RELN: variants seen among roughly 807,000 people sequenced by gnomAD.
RELN encodes reelin.
Under a neutral mutation model 427.6 loss-of-function variants are expected in RELN, and 108 were observed. That is an observed-to-expected ratio of 0.25 (90% CI 0.22 to 0.30). The LOEUF (loss-of-function observed/expected upper bound fraction) is 0.30. Among genes scored for constraint, RELN ranks in the 10% least tolerant of loss-of-function variants. The probability of loss-of-function intolerance (pLI) is 1.00; values close to 1 mark genes in which losing one functional copy is unlikely to be tolerated. For synonymous variants in RELN, 1,524 were observed against 1,513.4 expected, an observed-to-expected ratio of 1.01 and a Z score of -0.16; for missense variants, 3,715 against 4,302.8, an observed-to-expected ratio of 0.86 and a Z score of 3.82.
chr7:103,498,058 T>C lies in RELN; in HGVS notation c.8843+19A>G. ...TTTGCTATGGTGCAATAGAAATAACTAACAAAAAATTCACTTACTTTGCAC... is the reference window on the plus strand; with the variant it reads ...TTTGCTATGGTGCAATAGAAATAACCAACAAAAAATTCACTTACTTTGCAC... On this transcript the variant is annotated intron_variant, in intron 54 of 64. Coordinates refer to ENST00000428762, the MANE Select transcript of RELN (RefSeq NM_005045.4). The C allele has an allele frequency of 6.2e-7, 1 of 1,613,186 alleles. No individual in the cohort carries two copies. Among genetic ancestry groups the C allele is most frequent in the Non-Finnish European group, 8.5e-7 (1 of 1,179,172 alleles).
rs1486135524 is a variant in RELN at position 103,589,649 on chromosome 7, G to A, written c.4092C>T (p.Asp1364=). ...LSEPTMYHTG[D]FEEWTRITIV... ...TGGTGATTCTTGTCCATTCTTCAAA[G>A]TCCCCTGTGTGATACATGGTGGGCT... The change falls in exon 28 of 65, where the codon GAC becomes GAT. Residue 1364 remains aspartate, a synonymous_variant. Transcript: ENST00000428762. The A allele has an allele frequency of 6.2e-7, 1 of 1,614,052 alleles. No homozygotes were observed. The highest frequency in any genetic ancestry group is 8.5e-7 in the Non-Finnish European group (1 of 1,179,960).
In RELN at chr7:103,561,600, A is replaced by C. The variant is rs1830642910; in HGVS notation, c.5461T>G (p.Tyr1821Asp). 2 of 1,613,752 alleles carry C rather than the reference A, an allele frequency of 1.2e-6. No individual in the cohort carries two copies. Among genetic ancestry groups the C allele is most frequent in the Non-Finnish European group, 1.7e-6 (2 of 1,179,846 alleles). The change falls in exon 36 of 65, where the codon TAT becomes GAT. Residue 1821 changes from tyrosine to aspartate, a missense_variant. Tyr to Asp is a radical substitution (Grantham distance 160, BLOSUM62 -3). Around this residue, in one of 4 missense-constraint regions of RELN, gnomAD observed 2,208 missense variants for 2,361.7 expected, o/e 0.93. Coordinates refer to ENST00000428762, the MANE Select transcript of RELN (RefSeq NM_005045.4). ...TTCAGATTCCCCCTCTCTGCACCAT[A>C]CACTTCAGGCCAAAGGTCAGGATGT... Reference protein sequence around the residue: ...NLHPDLWPEVYGAERGNLNGE... With the variant: ...NLHPDLWPEVDGAERGNLNGE...
intron 2 of RELN, among the ~76,000 whole-genome samples, chr7:103,860,587 G>A (rs1468201821): frequency 6.6e-6 from 1 of 152,140 alleles, no homozygotes; most frequent in East Asian, 1.9e-4. Context: ...AATAGCAGCA[G>A]CAGTATGGCA....
At chr7:103,847,244 G>A (rs1390349331) in intron 2 of RELN, among the ~76,000 whole-genome samples, 3 of 152,032 alleles carry the variant, frequency 2.0e-5, no homozygotes, top group African/African-American at 7.2e-5. Flanking sequence ...AGCCATAAAA[G>A]GATGAGTTCA....
At chr7:103,698,740 C>G in intron 9 of RELN, among the ~76,000 whole-genome samples, 1 of 152,064 alleles carries the variant, frequency 6.6e-6, no homozygotes, top group Non-Finnish European at 1.5e-5. Context: ...GTCTCAAACT[C>G]CTGGGCTCAA....
intron 11 of RELN, among the ~76,000 whole-genome samples, chr7:103,669,665 A>G (rs2115613610): frequency 6.6e-6 from 1 of 152,164 alleles, no homozygotes; most frequent in South Asian, 2.1e-4. Flanking sequence ...GAGGAGCTCT[A>G]TAGTTCTGTC....
intron 28 of RELN, among the ~76,000 whole-genome samples, chr7:103,588,642 T>C (rs1465100173): frequency 2.0e-5 from 3 of 152,184 alleles, no homozygotes; most frequent in Non-Finnish European, 4.4e-5. Flanking sequence ...TTATTGGTGC[T>C]ATGAAAGCAG....
intron 11 of RELN, among the ~76,000 whole-genome samples, chr7:103,667,080 T>C (rs1423124955): frequency 6.6e-6 from 1 of 152,220 alleles, no homozygotes; most frequent in Non-Finnish European, 1.5e-5. Flanking sequence ...TCCTCCCCTA[T>C]CCTAGGGCTA....
At chr7:103,610,355 C>T (rs1244583368) in intron 22 of RELN, among the ~76,000 whole-genome samples, 3 of 152,070 alleles carry the variant, frequency 2.0e-5, no homozygotes, top group Non-Finnish European at 2.9e-5. Flanking sequence ...ACTTGAATTT[C>T]TAGATTCCTA....
chr7:103,582,483 T>C (rs1337365174), intron 28 of RELN, among the ~76,000 whole-genome samples: 1 of 152,210 alleles, frequency 6.6e-6, no homozygotes, highest in Admixed American at 6.5e-5. Context: ...AAATTACTTA[T>C]GAGTTGGAGC....
chr7:103,785,610 A>G (rs147244847), intron 3 of RELN, among the ~76,000 whole-genome samples: 1 of 152,078 alleles, frequency 6.6e-6, no homozygotes, highest in Non-Finnish European at 1.5e-5. Context: ...GGACTGAACA[A>G]TTTTAAGGTT....
At chr7:103,509,993 A>G (rs1829347717) in intron 51 of RELN, among the ~76,000 whole-genome samples, 1 of 152,146 alleles carries the variant, frequency 6.6e-6, no homozygotes, top group Non-Finnish European at 1.5e-5. Flanking sequence ...GAAACAACAG[A>G]TGCTAGAGGG....
At chr7:103,657,265 T>C (rs919732288) in intron 12 of RELN, among the ~76,000 whole-genome samples, 4 of 152,056 alleles carry the variant, frequency 2.6e-5, no homozygotes, top group Non-Finnish European at 5.9e-5. Context: ...GCTTCAGTGT[T>C]ATGATAAATA....
intron 46 of RELN, among the ~76,000 whole-genome samples, chr7:103,531,816 G>A (rs1196581206): frequency 6.6e-6 from 1 of 152,120 alleles, no homozygotes; most frequent in Non-Finnish European, 1.5e-5. Context: ...GCGAAGTTGT[G>A]GAGAAAAAGG....
At chr7:103,797,585 A>C (rs1047941878) in intron 3 of RELN, among the ~76,000 whole-genome samples, 1 of 152,176 alleles carries the variant, frequency 6.6e-6, no homozygotes, top group Non-Finnish European at 1.5e-5. Flanking sequence ...TTTTTCTGAT[A>C]ATATCCTTTA....
intron 11 of RELN, among the ~76,000 whole-genome samples, chr7:103,667,557 C>T (rs1833298005): frequency 6.6e-6 from 1 of 152,044 alleles, no homozygotes; most frequent in Non-Finnish European, 1.5e-5. Context: ...TGTTTATTAG[C>T]CATAATTTCT....
intron 1 of RELN, among the ~76,000 whole-genome samples, chr7:103,950,421 T>C (rs1213719930): frequency 6.6e-6 from 1 of 152,150 alleles, no homozygotes; most frequent in African/African-American, 2.4e-5. Flanking sequence ...AACTACTAAA[T>C]TGATTCATGA....
chr7:103,506,269 A>G (rs1829206656), intron 51 of RELN, among the ~76,000 whole-genome samples: 1 of 152,212 alleles, frequency 6.6e-6, no homozygotes, highest in Admixed American at 6.5e-5. Flanking sequence ...CAGATTCACC[A>G]AGGTTGAAAT....
At chr7:103,797,627 C>T (rs1432811769) in intron 3 of RELN, among the ~76,000 whole-genome samples, 1 of 152,078 alleles carries the variant, frequency 6.6e-6, no homozygotes, top group Non-Finnish European at 1.5e-5. Context: ...GATACCATAT[C>T]GCAGTTAGTG....
Sources: gnomAD v4.1 joint callset for allele counts (sites outside exome capture counted in the v4.1 genomes callset) on GRCh38, gnomAD v4.1.1 for gene constraint, gnomAD v4.1.1 regional missense constraint, MANE v1.5 for transcripts, NCBI Gene and HGNC (gene_info 2026-07-23, HGNC 2026-07-21) for gene names.